The following ADAMTS3 variants were observed in gnomAD, a reference collection of about 807,000 sequenced individuals.
ADAMTS3 encodes the protein ADAM metallopeptidase with thrombospondin type 1 motif 3, also known as A disintegrin and metalloproteinase with thrombospondin motifs 3.
ADAMTS3 carries 73 observed loss-of-function variants against 129.0 expected under a neutral mutation model. The ratio of observed to expected loss-of-function variants is 0.57; its 90% CI spans 0.47 to 0.69. The LOEUF is 0.69. Among genes scored for constraint, ADAMTS3 ranks in the 30% least tolerant of loss-of-function variants. The pLI is 0.00. For synonymous variants in ADAMTS3, 477 were observed against 510.8 expected, an observed-to-expected ratio of 0.93 and a Z score of 0.89; for missense variants, 1,457 against 1,514.5, an observed-to-expected ratio of 0.96 and a Z score of 0.63.
chr4:72,464,675 T>C (rs1269849744), intron 3 of ADAMTS3, among the ~76,000 whole-genome samples: 1 of 152,028 alleles, frequency 6.6e-6, no homozygotes, highest in Non-Finnish European at 1.5e-5. Context: ...CAAATACTAA[T>C]GGCAACAACT....
At chr4:72,561,222 C>A (rs1331855938) in intron 2 of ADAMTS3, among the ~76,000 whole-genome samples, 2 of 152,110 alleles carry the variant, frequency 1.3e-5, no homozygotes, top group Non-Finnish European at 2.9e-5. Context: ...GTAGTATGCA[C>A]CTGTAGTCCC....
rs375734972 is a variant in ADAMTS3, at chr4:72,283,717, A to T, written c.3050-13T>A. On this transcript the variant is annotated splice_polypyrimidine_tract_variant and intron_variant, in intron 21 of 21. Transcript: ENST00000286657. ...AAACATGGTTCATCTGCAAAAATAAAAAGAAAATAAACTAACACTAGCATC... is the reference window on the plus strand; with the variant it reads ...AAACATGGTTCATCTGCAAAAATAATAAGAAAATAAACTAACACTAGCATC... 1.3e-6 allele frequency: 2 copies of T among 1,536,616 alleles called. No individual in the cohort carries two copies. Among genetic ancestry groups the T allele is most frequent in the East Asian group, 4.6e-5 (2 of 43,790 alleles).
chr4:72,425,692 T>C (rs10938019), intron 3 of ADAMTS3, among the ~76,000 whole-genome samples: 148,023 of 151,992 alleles, frequency 0.97, 72,224 homozygotes, highest in South Asian at 1. Flanking sequence ...CATAGTATTC[T>C]ATGGTGTATA....
chr4:72,489,986 T>G (rs1459528112), intron 3 of ADAMTS3, among the ~76,000 whole-genome samples: 1 of 151,876 alleles, frequency 6.6e-6, no homozygotes, highest in Non-Finnish European at 1.5e-5. Flanking sequence ...CCATCAGTAG[T>G]GTACAGACAT....
intron 3 of ADAMTS3, among the ~76,000 whole-genome samples, chr4:72,450,585 C>T (rs1271699515): frequency 6.6e-6 from 1 of 151,708 alleles, no homozygotes; most frequent in Non-Finnish European, 1.5e-5. Flanking sequence ...CTGAGGCTTT[C>T]ACTGATGCCA....
intron 4 of ADAMTS3, among the ~76,000 whole-genome samples, chr4:72,346,146 C>T (rs919309102): frequency 6.6e-6 from 1 of 152,116 alleles, no homozygotes; most frequent in Admixed American, 6.6e-5. Context: ...GCATCAAAGC[C>T]ATGTCCAACA....
intron 4 of ADAMTS3, among the ~76,000 whole-genome samples, chr4:72,366,774 C>CTT (rs1220915576): frequency 7.2e-6 from 1 of 139,198 alleles, no homozygotes; most frequent in Non-Finnish European, 1.6e-5. Flanking sequence ...GTGTCCCAAG[C>CTT]TTTTTTTTTT....
At chr4:72,293,507 G>A (rs1433198787) in intron 19 of ADAMTS3, among the ~76,000 whole-genome samples, 1 of 152,060 alleles carries the variant, frequency 6.6e-6, no homozygotes, top group Non-Finnish European at 1.5e-5. Flanking sequence ...CACATTTCCA[G>A]AACAGCCTTT....
chr4:72,357,965 G>A (rs1022133041), intron 4 of ADAMTS3, among the ~76,000 whole-genome samples: 2 of 151,834 alleles, frequency 1.3e-5, no homozygotes, highest in South Asian at 2.1e-4. Flanking sequence ...CTAAATTAAT[G>A]AGAAATGATT....
intron 3 of ADAMTS3, among the ~76,000 whole-genome samples, chr4:72,435,088 G>C (rs148210472): frequency 1.8e-4 from 28 of 151,886 alleles, no homozygotes; most frequent in Non-Finnish European, 3.7e-4. Flanking sequence ...CTTGAGCAAA[G>C]ACATAGTTTC....
In ADAMTS3 at chr4:72,509,543, A is replaced by T. The variant is rs567409944; in HGVS notation, c.504+38935T>A. 2.0e-5 allele frequency among the ~76,000 whole-genome samples: 3 copies of T among 152,206 alleles called. No individual in the cohort carries two copies. In the South Asian group the frequency reaches 6.2e-4, roughly 32 times the overall value. ...AAAATGGGCAAATTCCTAGATACAT[A>T]CAACCTACCAAGATTGAACCACGAA... On this transcript the variant is annotated intron_variant, in intron 3 of 21. Coordinates refer to ENST00000286657, the MANE Select transcript of ADAMTS3 (RefSeq NM_014243.3).
At chr4:72,567,352 G>C in intron 2 of ADAMTS3, 22 bp downstream of exon 2, 1 of 1,611,468 alleles carries the variant, frequency 6.2e-7, no homozygotes. Flanking sequence ...AGATAAGAGT[G>C]ACATCTGAGA....
chr4:72,333,318 T>C (rs1011634372), intron 5 of ADAMTS3, among the ~76,000 whole-genome samples: 1 of 152,078 alleles, frequency 6.6e-6, no homozygotes, highest in African/African-American at 2.4e-5. Context: ...ATTGACCAAC[T>C]CATCTACATA....
intron 3 of ADAMTS3, among the ~76,000 whole-genome samples, chr4:72,526,592 G>GTGTGTGTA (rs1276760286): frequency 2.0e-5 from 3 of 148,886 alleles, no homozygotes; most frequent in African/African-American, 7.4e-5. Flanking sequence ...GTGTGTGTGT[G>GTGTGTGTA]TGTGTGTGTG....
chr4:72,486,476 A>G (rs996768098), intron 3 of ADAMTS3, among the ~76,000 whole-genome samples: 1 of 152,178 alleles, frequency 6.6e-6, no homozygotes, highest in South Asian at 2.1e-4. Flanking sequence ...CACAAAGAAA[A>G]CTGAGAACCT....
intron 4 of ADAMTS3, among the ~76,000 whole-genome samples, chr4:72,404,712 G>A (rs1366129737): frequency 6.6e-6 from 1 of 151,840 alleles, no homozygotes; most frequent in Non-Finnish European, 1.5e-5. Context: ...GGGTGAAAAG[G>A]AAACCTATAG....
intron 4 of ADAMTS3, among the ~76,000 whole-genome samples, chr4:72,360,213 C>T (rs1466590107): frequency 2.0e-5 from 3 of 152,070 alleles, no homozygotes; most frequent in Admixed American, 6.6e-5. Flanking sequence ...ATGCCTTTTA[C>T]ACCATAGGAG....
At position 72,360,311 on chromosome 4, in the gene ADAMTS3, C is replaced by T. The variant is rs552447123; in HGVS notation, c.662-20618G>A. 3.9e-5 allele frequency among the ~76,000 whole-genome samples: 6 copies of T among 152,112 alleles called. No individual in the cohort carries two copies. The East Asian group carries it at 1.2e-3, about 29-fold the overall frequency. ...AGCTTAAATCGAGCAATGTCACAGT[C>T]TACTGAAAAGGACACAAATTCTCGA... On this transcript the variant is annotated intron_variant, in intron 4 of 21. Coordinates refer to ENST00000286657, the MANE Select transcript of ADAMTS3 (RefSeq NM_014243.3).
At chr4:72,326,609 T>C (rs533464943) in intron 5 of ADAMTS3, among the ~76,000 whole-genome samples, 1 of 152,224 alleles carries the variant, frequency 6.6e-6, no homozygotes, top group African/African-American at 2.4e-5. Context: ...TTTCACAGTG[T>C]TGTTGCTCAA....
Sources: gnomAD v4.1 joint callset for allele counts (sites outside exome capture counted in the v4.1 genomes callset) on GRCh38, gnomAD v4.1.1 for gene constraint, MANE v1.5 for transcripts, NCBI Gene and HGNC (gene_info 2026-07-23, HGNC 2026-07-21) for gene names.